UNC13A: variants seen among roughly 807,000 people sequenced by gnomAD.
UNC13A encodes unc-13 homolog A, also known as protein unc-13 homolog A.
A neutral mutation model predicts 219.7 loss-of-function variants in UNC13A; 61 were observed. The observed-to-expected ratio is 0.28, with a 90% CI of 0.23 to 0.34. The LOEUF (loss-of-function observed/expected upper bound fraction) is 0.34. UNC13A is among the 10% of genes least tolerant of loss of function. UNC13A has a pLI of 1.00. For missense variants in UNC13A, 1,476 were observed against 2,270.3 expected (o/e 0.65, Z 7.11); for synonymous variants, 920 against 884.6 (o/e 1.04, Z -0.71).
rs1466758646 is a variant in UNC13A, at chr19:17,656,018, C to A, written c.1148G>T (p.Gly383Val). 6.3e-6 allele frequency: 10 copies of A among 1,577,608 alleles called. No individual in the cohort carries two copies. The highest frequency in any genetic ancestry group is 1.8e-5 in the Admixed American group (1 of 54,154). The change falls in exon 10 of 44, where the codon GGG becomes GTG. Residue 383 changes from glycine to valine, a missense_variant. Gly to Val is a moderately radical substitution (Grantham distance 109). Transcript: ENST00000519716. ...TGCCACTGGGGCCTTGTCCTCCTTC[C>A]CTGGGGCAGCTGGCGGGAGGCTGAT... ...KRISLPPAAP[G>V]KEDKAPVAPT... is the part of the protein sequence containing the mutation.
At position 17,683,619 on chromosome 19, in the gene UNC13A, C is replaced by T. The variant is rs1039028521; in HGVS notation, c.22+4559G>A. Among the ~76,000 whole-genome samples the T allele has an allele frequency of 3.9e-5, 6 of 152,042 alleles. 1 individual carries two copies. The highest frequency in any genetic ancestry group is 5.9e-5 in the Non-Finnish European group (4 of 68,018). On this transcript the variant is annotated intron_variant, in intron 1 of 43. Transcript: ENST00000519716. ...GTTTCAGTGAACCGAGATCACACCA[C>T]TACACTGCAGTCCGGGTGACAGAGT...
chr19:17,631,477 T>C (rs909335735), intron 28 of UNC13A, among the ~76,000 whole-genome samples: 1 of 151,888 alleles, frequency 6.6e-6, no homozygotes, highest in Non-Finnish European at 1.5e-5. Flanking sequence ...TCCTCCCACC[T>C]TGGCCTCCCA....
At chr19:17,641,795 A>G (rs958096641) in intron 20 of UNC13A, among the ~76,000 whole-genome samples, 4 of 149,514 alleles carry the variant, frequency 2.7e-5, no homozygotes, top group Non-Finnish European at 3.0e-5. Context: ...CATCCATCCC[A>G]TACATTGATC....
In UNC13A at chr19:17,688,326, A is replaced by C; in HGVS notation, c.-127T>G. 7.6e-7 allele frequency: 1 copy of C among 1,309,660 alleles called. No individual in the cohort carries two copies. Among genetic ancestry groups the C allele is most frequent in the Non-Finnish European group, 9.7e-7 (1 of 1,028,684 alleles). 81.1% of individuals were successfully genotyped at this position (1,309,660 alleles called of 1,614,324 possible). A position where few individuals can be genotyped will look rare whatever the true frequency, so the allele number is the denominator to read the frequency against. Reference sequence around the variant, plus strand: ...TGGCTCACGCCGGGGCCCGGCCGCCACCGGCCATCTTGGTTCAGCACCGGG... The same window carrying C: ...TGGCTCACGCCGGGGCCCGGCCGCCCCCGGCCATCTTGGTTCAGCACCGGG... On this transcript the variant is annotated 5_prime_UTR_variant, in exon 1 of 44. Coordinates refer to ENST00000519716, the MANE Select transcript of UNC13A (RefSeq NM_001080421.3).
At chr19:17,685,877 T>C (rs1486080025) in intron 1 of UNC13A, among the ~76,000 whole-genome samples, 1 of 151,900 alleles carries the variant, frequency 6.6e-6, no homozygotes, top group Non-Finnish European at 1.5e-5. Flanking sequence ...CGGCAACCCA[T>C]CTCAGCCTAG....
In UNC13A at chr19:17,618,928, A is replaced by G; in HGVS notation, c.4307T>C (p.Leu1436Pro). The change falls in exon 39 of 44, where the codon CTG becomes CCG. Residue 1436 changes from leucine to proline, a missense_variant. Around this residue, in one of 14 missense-constraint regions of UNC13A, gnomAD observed 75 missense variants for 100.2 expected, o/e 0.75. Transcript: ENST00000519716. ...CACCTTGAGTTTGGACAGCTGACCC[A>G]GCTCCTTGGCTGCATTGAAGATCAT... ...TQMIFNAAKE[L>P]GQLSKLKDHM... The G allele has an allele frequency of 6.2e-7, 1 of 1,614,004 alleles. No individual in the cohort carries two copies. Among genetic ancestry groups the G allele is most frequent in the Non-Finnish European group, 8.5e-7 (1 of 1,179,886 alleles).
In UNC13A at chr19:17,658,168, C is replaced by T. The variant is rs746435577; in HGVS notation, c.661G>A (p.Ala221Thr). 3.7e-6 allele frequency: 6 copies of T among 1,613,874 alleles called. No homozygotes were observed. The highest frequency in any genetic ancestry group is 3.3e-5 in the South Asian group (3 of 91,070). Residue 221 changes from alanine (A) to threonine (T), a missense_variant, in exon 9 of 44, where the codon GCC (alanine) becomes ACC (threonine). Physicochemically the swap from Ala to Thr is moderately conservative, Grantham distance 58 (BLOSUM62 0). This residue lies in a region of UNC13A where 203 missense variants were observed against 301.6 expected (regional missense o/e 0.67). Coordinates refer to ENST00000519716, the MANE Select transcript of UNC13A (RefSeq NM_001080421.3). ...CGAACAGAATATTGGTGGACTGAGG[C>T]GTTGGGTTGTGACGTAGTATAATAG... ...PPYYTTSQPN[A>T]SVHQYSVRPP...
chr19:17,675,968 A>T, intron 2 of UNC13A, 44 bp downstream of exon 2: 1 of 1,550,240 alleles, frequency 6.5e-7, no homozygotes, highest in Middle Eastern at 1.9e-4. Context: ...AGACAGACAG[A>T]CAGACAGACA....
At chr19:17,625,424 T>C (rs1191901667) in intron 34 of UNC13A, among the ~76,000 whole-genome samples, 1 of 151,910 alleles carries the variant, frequency 6.6e-6, no homozygotes, top group Non-Finnish European at 1.5e-5. Flanking sequence ...TGGATAGGGG[T>C]TGAAGGAGAC....
At chr19:17,666,131 TTTTTC>T (rs1568267644) in intron 7 of UNC13A, among the ~76,000 whole-genome samples, 5 of 118,864 alleles carry the variant, frequency 4.2e-5, no homozygotes, top group Admixed American at 8.4e-5. Flanking sequence ...CTTTTCTTTC[TTTTTC>T]TTTCTTTCTT....
intron 43 of UNC13A, among the ~76,000 whole-genome samples, chr19:17,607,676 T>G (rs989300147): frequency 2.0e-5 from 3 of 151,820 alleles, no homozygotes; most frequent in African/African-American, 7.3e-5. Flanking sequence ...CTTAAACTCC[T>G]GAGCTCAAGC....
chr19:17,660,461 T>C (rs2079531421), intron 8 of UNC13A, among the ~76,000 whole-genome samples: 1 of 152,148 alleles, frequency 6.6e-6, no homozygotes, highest in South Asian at 2.1e-4. Flanking sequence ...TTCAATTGTC[T>C]TTCCTTTTTG....
At chr19:17,628,307 A>ATT in intron 31 of UNC13A, 6 of 221,938 alleles carry the variant, frequency 2.7e-5, no homozygotes, top group South Asian at 2.5e-4. Context: ...TGACACACTG[A>ATT]AGGCGTGTGC....
chr19:17,658,583 T>C (rs368633813), intron 8 of UNC13A, among the ~76,000 whole-genome samples: 5 of 152,052 alleles, frequency 3.3e-5, no homozygotes, highest in African/African-American at 1.2e-4. Context: ...TTGCTGAAGG[T>C]CAGGATCTCT....
chr19:17,676,393 CA>C (rs2079899648), intron 1 of UNC13A, among the ~76,000 whole-genome samples: 1 of 152,058 alleles, frequency 6.6e-6, no homozygotes, highest in Admixed American at 6.6e-5. Context: ...CTGTCCCCAT[CA>C]AACTCCCCAA....
chr19:17,617,913 G>C, intron 40 of UNC13A, 64 bp from the exon 41 acceptor site: 1 of 1,591,364 alleles, frequency 6.3e-7, no homozygotes, highest in South Asian at 1.1e-5. Context: ...ATAGGGCTGG[G>C]TAGCCCTGCT....
At chr19:17,682,588 G>A (rs1446658525) in intron 1 of UNC13A, among the ~76,000 whole-genome samples, 2 of 152,142 alleles carry the variant, frequency 1.3e-5, no homozygotes, top group African/African-American at 4.8e-5. Flanking sequence ...AACTCTGGAG[G>A]GCATCCCATG....
intron 1 of UNC13A, among the ~76,000 whole-genome samples, chr19:17,685,802 ACG>A (rs1262131089): frequency 6.6e-6 from 1 of 151,984 alleles, no homozygotes; most frequent in East Asian, 1.9e-4. Context: ...GGATTGGCAA[ACG>A]CCTGTGGGTC....
At chr19:17,658,442 G>T (rs1212604467) in intron 8 of UNC13A, among the ~76,000 whole-genome samples, 173 bp from the exon 9 acceptor site, 1 of 152,138 alleles carries the variant, frequency 6.6e-6, no homozygotes, top group South Asian at 2.1e-4. Context: ...GAACAAGGGA[G>T]GTGAAAACCC....
Sources: allele counts gnomAD v4.1 joint callset (sites outside exome capture counted in the v4.1 genomes callset), GRCh38; gene constraint gnomAD v4.1.1; regional missense constraint gnomAD v4.1.1; transcripts MANE v1.5; gene names NCBI Gene and HGNC (gene_info 2026-07-23, HGNC 2026-07-21).